The following ZFAND6 variants were observed in gnomAD, a reference collection of about 807,000 sequenced individuals.
ZFAND6 encodes AN1-type zinc finger protein 6.
In ZFAND6, 12 loss-of-function variants were observed where a neutral mutation model predicts 24.5. The observed-to-expected ratio is 0.49, with a 90% CI of 0.31 to 0.79. The LOEUF (loss-of-function observed/expected upper bound fraction) is 0.79, where lower values mean the gene tolerates loss of function less well. ZFAND6 is among the 30% of genes least tolerant of loss of function. The probability of loss-of-function intolerance (pLI) is 0.04; values close to 1 mark genes in which losing one functional copy is unlikely to be tolerated. For missense variants in ZFAND6, 207 were observed against 245.9 expected, an observed-to-expected ratio of 0.84 and a Z score of 1.06; for synonymous variants, 92 against 81.5, an observed-to-expected ratio of 1.13 and a Z score of -0.69.
chr15:80,134,083 G>A (rs2040745458), intron 6 of ZFAND6, among the ~76,000 whole-genome samples: 1 of 151,882 alleles, frequency 6.6e-6, no homozygotes, highest in Admixed American at 6.6e-5. Flanking sequence ...CTCCTCCTGG[G>A]TTCTAGCGAT....
intron 5 of ZFAND6, chr15:80,130,079 C>G (rs1259842112): frequency 6.6e-6 from 1 of 152,132 alleles, no homozygotes; most frequent in Non-Finnish European, 1.5e-5. Flanking sequence ...TTGAGGAATT[C>G]TAAACATCAG....
At chr15:80,100,344 G>C (rs1237684269) in intron 2 of ZFAND6, among the ~76,000 whole-genome samples, 2 of 152,134 alleles carry the variant, frequency 1.3e-5, no homozygotes, top group African/African-American at 4.8e-5. Context: ...AGAGGCCTTT[G>C]GAACATACTA....
intron 1 of ZFAND6, chr15:80,075,222 A>G (rs750311061): frequency 2.3e-5 from 4 of 176,172 alleles, no homozygotes; most frequent in East Asian, 1.8e-4. Context: ...AAAATTTTCC[A>G]TATTTCTATC....
At chr15:80,092,057 GT>G (rs887082740) in intron 1 of ZFAND6, among the ~76,000 whole-genome samples, 14 of 152,232 alleles carry the variant, frequency 9.2e-5, no homozygotes, top group African/African-American at 3.1e-4. Flanking sequence ...TAGAGGTGAT[GT>G]TTTTGTATTT....
At chr15:80,102,493 T>G (rs1170863014) in intron 2 of ZFAND6, among the ~76,000 whole-genome samples, 1 of 152,234 alleles carries the variant, frequency 6.6e-6, no homozygotes, top group Non-Finnish European at 1.5e-5. Flanking sequence ...AGTGACTGCT[T>G]CTCAGATTAA....
chr15:80,120,586 C>A, intron 3 of ZFAND6, 88 bp downstream of exon 3: 1 of 1,135,694 alleles, frequency 8.8e-7, no homozygotes, highest in Non-Finnish European at 1.2e-6. Flanking sequence ...TCTGCTCTCA[C>A]ATTATATTTA....
intron 1 of ZFAND6, among the ~76,000 whole-genome samples, chr15:80,083,116 C>T (rs779609868): frequency 7.9e-5 from 12 of 152,074 alleles, no homozygotes; most frequent in East Asian, 1.9e-4. Flanking sequence ...CTCAGCCTCC[C>T]GAGTAGCTGG....
At chr15:80,120,616 G>A (rs1373752457) in intron 3 of ZFAND6, 118 bp downstream of exon 3, 1 of 875,624 alleles carries the variant, frequency 1.1e-6, no homozygotes, top group Non-Finnish European at 1.5e-6. Context: ...ATTCATATCA[G>A]TAAAATTTCT....
intron 1 of ZFAND6, among the ~76,000 whole-genome samples, chr15:80,080,965 A>G (rs1025625888): frequency 2.0e-5 from 3 of 152,186 alleles, no homozygotes; most frequent in Non-Finnish European, 4.4e-5. Flanking sequence ...ACCTCCCATC[A>G]GGCCCCACCT....
intron 5 of ZFAND6, among the ~76,000 whole-genome samples, chr15:80,127,864 A>G (rs915933687): frequency 6.6e-6 from 1 of 152,210 alleles, no homozygotes; most frequent in African/African-American, 2.4e-5. Flanking sequence ...AATTGAAAAC[A>G]TACGTCCACA....
In ZFAND6 at chr15:80,059,738, T is replaced by A. The variant is rs1420900325; in HGVS notation, c.-252T>A. 28 of 152,154 alleles carry A rather than the reference T, an allele frequency of 1.8e-4. 1 individual carries two copies. The highest frequency in any genetic ancestry group is 1.8e-3 in the Admixed American group (28 of 15,280). 9.4% of individuals were successfully genotyped at this position (152,154 alleles called of 1,614,324 possible). A position where few individuals can be genotyped will look rare whatever the true frequency, so the allele number is the denominator to read the frequency against. ...CGGAGCAAGCAGGGGTTCGGCGGCA[T>A]TACCTGTACCCATTCACCGGCGGCT... On this transcript the variant is annotated 5_prime_UTR_variant, in exon 1 of 7. Transcript: ENST00000261749.
At chr15:80,120,726 G>C (rs1267205788) in intron 3 of ZFAND6, 2 of 280,160 alleles carry the variant, frequency 7.1e-6, no homozygotes, top group African/African-American at 4.4e-5. Context: ...TATTTCTGTG[G>C]CTGTGGAATT....
chr15:80,080,115 C>T (rs530422698), intron 1 of ZFAND6, among the ~76,000 whole-genome samples: 72 of 152,032 alleles, frequency 4.7e-4, no homozygotes, highest in African/African-American at 1.7e-3. Flanking sequence ...TCTCCCGTCT[C>T]AGCCTCCGAG....
intron 5 of ZFAND6, among the ~76,000 whole-genome samples, chr15:80,123,865 A>G (rs564696219): frequency 8.6e-5 from 13 of 152,038 alleles, no homozygotes; most frequent in African/African-American, 2.4e-4. Context: ...CACCAGAGCA[A>G]TTCCCCCACA....
chr15:80,131,378 G>A, intron 6 of ZFAND6, 85 bp downstream of exon 6: 1 of 1,146,944 alleles, frequency 8.7e-7, no homozygotes, highest in Non-Finnish European at 1.2e-6. Flanking sequence ...AATTAAGATT[G>A]TTCCTGTTCC....
chr15:80,093,209 C>A (rs147664630), intron 1 of ZFAND6, among the ~76,000 whole-genome samples: 2 of 151,834 alleles, frequency 1.3e-5, no homozygotes, highest in African/African-American at 4.8e-5. Context: ...TCGTGATCCG[C>A]CTGCCTCGGC....
At chr15:80,086,240 G>C (rs2037998861) in intron 1 of ZFAND6, among the ~76,000 whole-genome samples, 1 of 152,036 alleles carries the variant, frequency 6.6e-6, no homozygotes, top group African/African-American at 2.4e-5. Context: ...ATTTCTCCAT[G>C]TTGGTCAGGC....
chr15:80,122,597 A>T, intron 4 of ZFAND6, 103 bp from the exon 5 acceptor site: 1 of 708,750 alleles, frequency 1.4e-6, no homozygotes, highest in Non-Finnish European at 2.4e-6. Flanking sequence ...CTGTGTTCTC[A>T]TCTTAATTAT....
chr15:80,067,160 G>C (rs147434551), intron 1 of ZFAND6, among the ~76,000 whole-genome samples: 62 of 152,266 alleles, frequency 4.1e-4, no homozygotes, highest in African/African-American at 1.5e-3. Context: ...GACAAGCTTT[G>C]TTTCAGGACT....
Sources: allele counts gnomAD v4.1 joint callset (sites outside exome capture counted in the v4.1 genomes callset), GRCh38; gene constraint gnomAD v4.1.1; transcripts MANE v1.5; gene names NCBI Gene and HGNC (gene_info 2026-07-23, HGNC 2026-07-21).